The following COL24A1 variants were observed in gnomAD, a reference collection of about 807,000 sequenced individuals.
COL24A1 encodes collagen alpha-1(XXIV) chain.
In COL24A1, 224 loss-of-function variants were observed where a neutral mutation model predicts 253.9. The ratio of observed to expected loss-of-function variants is 0.88; its 90% CI spans 0.79 to 0.99. The LOEUF (loss-of-function observed/expected upper bound fraction) is 0.99. COL24A1 is among the 50% of genes least tolerant of loss of function. The pLI is 0.00. For synonymous variants in COL24A1, 685 were observed against 673.7 expected (o/e 1.02, Z -0.26); for missense variants, 2,131 against 2,068.5 (o/e 1.03, Z -0.59).
At chr1:85,939,904 T>C (rs765800859) in intron 24 of COL24A1, among the ~76,000 whole-genome samples, 5 of 152,006 alleles carry the variant, frequency 3.3e-5, no homozygotes, top group Non-Finnish European at 7.4e-5. Context: ...ATTTCTTTTC[T>C]GGCATGAAGT....
chr1:85,790,344 G>T (rs313715), intron 47 of COL24A1, among the ~76,000 whole-genome samples: 110,637 of 151,998 alleles, frequency 0.73, 43,609 homozygotes, highest in Non-Finnish European at 0.89. Flanking sequence ...TTGCATAGAG[G>T]TGTTTATAGT....
At position 86,062,652 on chromosome 1, in the gene COL24A1, A is replaced by C. The variant is rs190516397; in HGVS notation, c.1752+1063T>G. Among the ~76,000 whole-genome samples, 210 of 151,980 alleles carry C rather than the reference A, an allele frequency of 1.4e-3. 3 individuals are homozygous for C. Among genetic ancestry groups the C allele is most frequent in the Admixed American group, 8.1e-3 (123 of 15,268 alleles). ...GTTTCTGCCAAAGCAGTAACCTACA[A>C]TTTTTTTCTCCCCAGGGACTAATCC... On this transcript the variant is annotated intron_variant, in intron 8 of 59. Transcript: ENST00000370571.
Position 85,846,885 on chromosome 1 carries a change from T to C in COL24A1, c.3462+780A>G, listed in dbSNP as rs372977523. ...AGGAATAGAATACCGAAAATAAGCC[T>C]GAGGCAAACTTTCCTCAGACAACAA... On this transcript the variant is annotated intron_variant, in intron 39 of 59. Transcript: ENST00000370571. Among the ~76,000 whole-genome samples the C allele has an allele frequency of 5.8e-4, 88 of 152,228 alleles. 2 individuals are homozygous for C. The highest frequency in any genetic ancestry group is 2.1e-3 in the African/African-American group (86 of 41,568).
chr1:86,053,467 T>A (rs920764540), intron 10 of COL24A1, among the ~76,000 whole-genome samples: 12 of 152,044 alleles, frequency 7.9e-5, no homozygotes, highest in African/African-American at 2.7e-4. Context: ...AAATAAGATG[T>A]CAGCAGTACC....
intron 1 of COL24A1, among the ~76,000 whole-genome samples, chr1:86,152,996 A>C (rs1652982757): frequency 6.6e-6 from 1 of 152,152 alleles, no homozygotes; most frequent in Admixed American, 6.5e-5. Context: ...GTCTCTGTTT[A>C]TCTCTCCAGC....
intron 53 of COL24A1, 53 bp downstream of exon 53, chr1:85,775,621 A>G: frequency 7.0e-7 from 1 of 1,427,862 alleles, no homozygotes; most frequent in Non-Finnish European, 9.7e-7. Context: ...GCTTTCATGG[A>G]GCTTATAGCC....
At chr1:86,085,172 A>G (rs892637700) in intron 7 of COL24A1, among the ~76,000 whole-genome samples, 10 of 152,146 alleles carry the variant, frequency 6.6e-5, no homozygotes, top group Admixed American at 6.6e-4. Flanking sequence ...GAAGAACTGC[A>G]TACTTTTGGG....
intron 37 of COL24A1, among the ~76,000 whole-genome samples, chr1:85,863,885 A>T (rs912459174): frequency 1.3e-5 from 2 of 152,198 alleles, no homozygotes; most frequent in Non-Finnish European, 1.5e-5. Flanking sequence ...AATCATTAAA[A>T]AGTCAGGAAA....
chr1:85,912,826 A>G (rs540895052), intron 24 of COL24A1, among the ~76,000 whole-genome samples: 13 of 152,202 alleles, frequency 8.5e-5, no homozygotes, highest in Non-Finnish European at 1.6e-4. Context: ...TGTAAAAGAC[A>G]CCAGATTTTG....
rs1242132116 is a variant in COL24A1, at chr1:86,125,964, G to T, written c.372C>A (p.Ser124Arg). The change falls in exon 3 of 60, where the codon AGC becomes AGA. Residue 124 changes from serine to arginine, a missense_variant. Transcript: ENST00000370571. The part of the protein sequence containing the change: ...SHRVNNAFLF[S>R]IRNKNRLQLG... ...ATTGCAGTCTATTTTTATTTCTAAT[G>T]CTGAAGAGAAATGCATTGTTCACCC... 1 of 1,613,482 alleles carries T rather than the reference G, an allele frequency of 6.2e-7. No homozygotes were observed. Among genetic ancestry groups the T allele is most frequent in the Admixed American group, 1.7e-5 (1 of 59,830 alleles).
chr1:85,890,196 G>T (rs986395557), intron 31 of COL24A1, among the ~76,000 whole-genome samples: 1 of 152,102 alleles, frequency 6.6e-6, no homozygotes, highest in Admixed American at 6.6e-5. Context: ...GAATAATGCG[G>T]CTATTAACAT....
At chr1:85,892,879 A>G (rs1440395029) in intron 31 of COL24A1, among the ~76,000 whole-genome samples, 1 of 152,104 alleles carries the variant, frequency 6.6e-6, no homozygotes, top group Non-Finnish European at 1.5e-5. Flanking sequence ...CTAAAAATCC[A>G]ACAGACAGAT....
chr1:85,812,805 T>C (rs1340886196), intron 47 of COL24A1, among the ~76,000 whole-genome samples: 1 of 152,184 alleles, frequency 6.6e-6, no homozygotes, highest in Non-Finnish European at 1.5e-5. Context: ...GGTTGCTCAA[T>C]GGGCCCACTA....
At chr1:85,803,825 A>G (rs1161572058) in intron 47 of COL24A1, among the ~76,000 whole-genome samples, 1 of 152,184 alleles carries the variant, frequency 6.6e-6, no homozygotes, top group Admixed American at 6.5e-5. Context: ...TCCAATCTAG[A>G]CATCTTTTAT....
intron 47 of COL24A1, among the ~76,000 whole-genome samples, chr1:85,813,628 G>A (rs1570724011): frequency 7.7e-6 from 1 of 130,332 alleles, no homozygotes; most frequent in Non-Finnish European, 1.6e-5. Context: ...TCGGCTCACT[G>A]CAAGCTCCGC....
intron 24 of COL24A1, among the ~76,000 whole-genome samples, chr1:85,940,890 T>C (rs1688700990): frequency 6.6e-6 from 1 of 152,224 alleles, no homozygotes. Context: ...GAAAGGCAAC[T>C]TGTGCTGTAC....
chr1:85,745,900 A>T (rs1665158619), intron 55 of COL24A1, among the ~76,000 whole-genome samples: 1 of 152,340 alleles, frequency 6.6e-6, no homozygotes, highest in South Asian at 2.1e-4. Context: ...CATTCTTGGA[A>T]GGAGTAGAAT....
At chr1:86,135,180 T>A (rs1387521774) in intron 2 of COL24A1, among the ~76,000 whole-genome samples, 1 of 152,088 alleles carries the variant, frequency 6.6e-6, no homozygotes, top group South Asian at 2.1e-4. Context: ...ACCTCTGCCT[T>A]TTTTTGTTTT....
chr1:85,823,497 A>G (rs748268026), intron 45 of COL24A1, 39 bp downstream of exon 45: 1 of 1,595,444 alleles, frequency 6.3e-7, no homozygotes, highest in South Asian at 1.1e-5. Flanking sequence ...AAAATTGCTA[A>G]CAATACATCT....
Sources: allele counts gnomAD v4.1 joint callset (sites outside exome capture counted in the v4.1 genomes callset), GRCh38; gene constraint gnomAD v4.1.1; transcripts MANE v1.5; gene names NCBI Gene and HGNC (gene_info 2026-07-23, HGNC 2026-07-21).